DDX60: variants seen among roughly 807,000 people sequenced by gnomAD.
DDX60 encodes the protein probable ATP-dependent RNA helicase DDX60.
In DDX60, 165 loss-of-function variants were observed where a neutral mutation model predicts 212.8. The observed-to-expected ratio is 0.78, with a 90% CI of 0.68 to 0.88. The LOEUF is 0.88. Ranked by LOEUF, DDX60 falls within the 40% of genes least tolerant of loss-of-function variation. DDX60 has a pLI of 0.00. For missense variants in DDX60, 1,905 were observed against 2,003.9 expected (o/e 0.95, Z 0.94); for synonymous variants, 703 against 685.3 (o/e 1.03, Z -0.40).
intron 22 of DDX60, chr4:168,263,553 A>T (rs890883295): frequency 6.6e-6 from 1 of 152,138 alleles, no homozygotes; most frequent in Non-Finnish European, 1.5e-5. Context: ...CCCCAATGTG[A>T]TGGTATCTGG....
At position 168,244,656 on chromosome 4, in the gene DDX60, C is replaced by T. The variant is rs889765871; in HGVS notation, c.4164+1762G>A. On this transcript the variant is annotated intron_variant, in intron 30 of 37. Transcript: ENST00000393743. ...AGGGGAATTGCTTGAACCTGGGAGG[C>T]GGAGGTTGCAGTGAGCTGAGATCAT... 9.2e-5 allele frequency among the ~76,000 whole-genome samples: 14 copies of T among 151,744 alleles called. 1 individual carries two copies. The South Asian group carries it at 1.5e-3, about 16-fold the overall frequency.
chr4:168,237,876 A>G, intron 30 of DDX60, 81 bp from the exon 31 acceptor site: 3 of 1,015,726 alleles, frequency 3.0e-6, no homozygotes, highest in Non-Finnish European at 4.3e-6. Context: ...ATGATAGATC[A>G]ATATCTATTA....
At chr4:168,295,778 G>A (rs1480816967) in intron 6 of DDX60, among the ~76,000 whole-genome samples, 1 of 152,126 alleles carries the variant, frequency 6.6e-6, no homozygotes. Flanking sequence ...ACAGATGAAC[G>A]GACAGTGAAA....
intron 30 of DDX60, among the ~76,000 whole-genome samples, chr4:168,239,328 TGATA>T (rs1206711311): frequency 6.6e-6 from 1 of 151,236 alleles, no homozygotes; most frequent in Non-Finnish European, 1.5e-5. Flanking sequence ...GAATGATACA[TGATA>T]GAAAGGTAGG....
chr4:168,291,503 T>A (rs931726976), intron 8 of DDX60, among the ~76,000 whole-genome samples: 21 of 152,318 alleles, frequency 1.4e-4, no homozygotes, highest in African/African-American at 4.8e-4. Context: ...AAACCTGACC[T>A]TGGCAGAGAT....
chr4:168,270,017 C>G (rs1735021976), intron 19 of DDX60, among the ~76,000 whole-genome samples: 1 of 152,194 alleles, frequency 6.6e-6, no homozygotes, highest in African/African-American at 2.4e-5. Context: ...TCTCCCTTCA[C>G]AGTTTGTACC....
At chr4:168,303,792 G>T (rs562446022) in intron 5 of DDX60, among the ~76,000 whole-genome samples, 41 of 152,270 alleles carry the variant, frequency 2.7e-4, no homozygotes, top group African/African-American at 9.1e-4. Flanking sequence ...GACCAGACTG[G>T]CCAACATAGT....
chr4:168,293,700 C>T, intron 7 of DDX60, 87 bp downstream of exon 7: 2 of 1,162,348 alleles, frequency 1.7e-6, no homozygotes, highest in East Asian at 4.9e-5. Context: ...CATGAAGTAC[C>T]AAATAGAGGA....
intron 6 of DDX60, among the ~76,000 whole-genome samples, chr4:168,298,100 C>T (rs1022071314): frequency 1.3e-5 from 2 of 151,598 alleles, no homozygotes; most frequent in Non-Finnish European, 2.9e-5. Context: ...AAAAATGGTA[C>T]AGCATGGTAA....
chr4:168,286,389 TAC>T (rs71867661), intron 10 of DDX60, among the ~76,000 whole-genome samples: 3,559 of 133,550 alleles, frequency 0.027, 57 homozygotes, highest in Non-Finnish European at 0.038. Flanking sequence ...CTTGATTTTA[TAC>T]ACACACACAC....
At chr4:168,226,901 G>A (rs986697732) in intron 33 of DDX60, among the ~76,000 whole-genome samples, 8 of 151,980 alleles carry the variant, frequency 5.3e-5, no homozygotes, top group African/African-American at 9.7e-5. Context: ...GCTGGGGGAC[G>A]GAGAAGTGAA....
chr4:168,296,132 G>A (rs1449261706), intron 6 of DDX60, among the ~76,000 whole-genome samples: 1 of 152,046 alleles, frequency 6.6e-6, no homozygotes, highest in Non-Finnish European at 1.5e-5. Context: ...CAAAATAAGT[G>A]CATAAATTTC....
chr4:168,258,086 T>G (rs1278118180), intron 25 of DDX60, among the ~76,000 whole-genome samples: 1 of 152,242 alleles, frequency 6.6e-6, no homozygotes, highest in Non-Finnish European at 1.5e-5. Context: ...ACAACCCGCC[T>G]TCATGCTCTC....
intron 33 of DDX60, among the ~76,000 whole-genome samples, chr4:168,234,368 T>C (rs1268494502): frequency 1.3e-5 from 2 of 152,116 alleles, no homozygotes; most frequent in Admixed American, 6.6e-5. Context: ...ATGTGATTCA[T>C]GTTTGTTACG....
chr4:168,324,973 G>A, the DDX60 span, among the ~76,000 whole-genome samples: 1 of 152,204 alleles, frequency 6.6e-6, no homozygotes, highest in Non-Finnish European at 1.5e-5. Context: ...AAGCCAAACT[G>A]CAGTCAAGAG....
chr4:168,237,660 T>G, intron 31 of DDX60, 31 bp downstream of exon 31: 1 of 1,561,870 alleles, frequency 6.4e-7, no homozygotes, highest in Non-Finnish European at 8.8e-7. Flanking sequence ...AGTAATGCTA[T>G]TTCCCAAAAC....
At chr4:168,315,961 C>T (rs1320226703) in intron 1 of DDX60, among the ~76,000 whole-genome samples, 1 of 152,108 alleles carries the variant, frequency 6.6e-6, no homozygotes, top group African/African-American at 2.4e-5. Context: ...ATTGCTGGGT[C>T]GAATAGTATT....
intron 33 of DDX60, among the ~76,000 whole-genome samples, chr4:168,230,305 G>A (rs1033647698): frequency 2.6e-5 from 4 of 152,032 alleles, no homozygotes; most frequent in African/African-American, 9.7e-5. Context: ...GCACTAGACA[G>A]GTCATAAAGA....
intron 14 of DDX60, among the ~76,000 whole-genome samples, chr4:168,276,590 G>T (rs1436716086): frequency 1.3e-5 from 2 of 152,106 alleles, no homozygotes; most frequent in African/African-American, 4.8e-5. Flanking sequence ...GTTGACCACA[G>T]ATAAGTATTT....
Sources: allele counts gnomAD v4.1 joint callset (sites outside exome capture counted in the v4.1 genomes callset), GRCh38; gene constraint gnomAD v4.1.1; transcripts MANE v1.5; gene names NCBI Gene and HGNC (gene_info 2026-07-23, HGNC 2026-07-21).